Variants in HAAO observed in about 807,000 individuals in gnomAD.
HAAO encodes the protein 3-hydroxyanthranilate 3,4-dioxygenase, also known as 3-hydroxyanthranilate oxygenase.
HAAO carries 49 observed loss-of-function variants against 46.2 expected under a neutral mutation model. That is an observed-to-expected ratio of 1.06 (90% CI 0.84 to 1.34). The LOEUF (loss-of-function observed/expected upper bound fraction) is 1.34. Among genes scored for constraint, HAAO ranks in the 40% most tolerant of loss-of-function variants. The pLI is 0.00. For missense variants in HAAO, 408 were observed against 364.5 expected, an observed-to-expected ratio of 1.12 and a Z score of -0.97; for synonymous variants, 157 against 145.2, an observed-to-expected ratio of 1.08 and a Z score of -0.58.
intron 6 of HAAO, 118 bp from the exon 7 acceptor site, chr2:42,769,976 C>T: frequency 2.4e-6 from 3 of 1,236,294 alleles, no homozygotes; most frequent in Non-Finnish European, 3.4e-6. Context: ...GTATCCAGCT[C>T]AATGATCAAG....
At chr2:42,776,844 G>C (rs1357628961) in intron 4 of HAAO, among the ~76,000 whole-genome samples, 3 of 148,168 alleles carry the variant, frequency 2.0e-5, no homozygotes, top group Non-Finnish European at 1.5e-5. Flanking sequence ...ATCTTGGCCA[G>C]GTGGCTATTG....
intron 2 of HAAO, among the ~76,000 whole-genome samples, chr2:42,785,808 G>C (rs1672339455): frequency 6.6e-6 from 1 of 152,148 alleles, no homozygotes; most frequent in South Asian, 2.1e-4. Flanking sequence ...GCTGCACTGA[G>C]CTATGATTGC....
In HAAO at chr2:42,767,644, G is replaced by A. The variant is rs202048095; in HGVS notation, c.733C>T (p.Arg245Cys). 7.8e-5 allele frequency: 122 copies of A among 1,568,910 alleles called. No homozygotes were observed. Among genetic ancestry groups the A allele is most frequent in the Admixed American group, 1.9e-4 (10 of 52,724 alleles). The change falls in exon 9 of 10, where the codon CGC becomes TGC. Residue 245 changes from arginine (R) to cysteine (C), a missense_variant. Arg to Cys is a radical substitution (Grantham distance 180). Transcript: ENST00000294973. ...GSSVVTMGGR[R>C]LSLAPDDSLL... ...CTGTCATCAGGGGCCAGGCTCAGGC[G>A]CCGTCCCCCCATTGTCACCACCGAG...
At chr2:42,787,998 C>A (rs1248925718) in intron 2 of HAAO, among the ~76,000 whole-genome samples, 1 of 152,082 alleles carries the variant, frequency 6.6e-6, no homozygotes, top group Non-Finnish European at 1.5e-5. Flanking sequence ...GAAGGGCCAC[C>A]CTGCCCCAAC....
intron 7 of HAAO, among the ~76,000 whole-genome samples, 199 bp from the exon 8 acceptor site, chr2:42,768,127 C>CA (rs1018341992): frequency 1.3e-5 from 2 of 152,230 alleles, no homozygotes; most frequent in African/African-American, 4.8e-5. Context: ...CCCGCCGCTG[C>CA]AACAGGTATT....
chr2:42,773,014 C>T (rs1201609674), intron 4 of HAAO, among the ~76,000 whole-genome samples: 2 of 151,774 alleles, frequency 1.3e-5, no homozygotes, highest in Non-Finnish European at 2.9e-5. Context: ...AGGTTGCTTC[C>T]TCCTTTCAGA....
chr2:42,769,753 C>T lies in HAAO; in HGVS notation c.590G>A (p.Gly197Asp). Residue 197 changes from glycine to aspartate, a missense_variant, in exon 7 of 10, where the codon GGC (glycine) becomes GAC (aspartate). Coordinates refer to ENST00000294973, the MANE Select transcript of HAAO (RefSeq NM_012205.3). ...GTCCCCAAACAGGCTGAGTGGTGTG[C>T]CTGCCTGCAGCTCCCTGTGGTGGCT... ...LDSHHRELQAGTPLSLFGDTY... is the reference protein window; with the variant it reads ...LDSHHRELQADTPLSLFGDTY... 1.2e-6 allele frequency: 2 copies of T among 1,613,794 alleles called. No homozygotes were observed. Among genetic ancestry groups the T allele is most frequent in the Non-Finnish European group, 8.5e-7 (1 of 1,179,868 alleles).
At chr2:42,784,388 A>T (rs1387066123) in intron 2 of HAAO, among the ~76,000 whole-genome samples, 1 of 151,782 alleles carries the variant, frequency 6.6e-6, no homozygotes, top group African/African-American at 2.4e-5. Context: ...CCAAGGCCGT[A>T]TGTGGCTCTG....
chr2:42,777,694 T>G (rs567895350), intron 4 of HAAO, among the ~76,000 whole-genome samples: 1 of 152,314 alleles, frequency 6.6e-6, no homozygotes, highest in Non-Finnish European at 1.5e-5. Flanking sequence ...TGCAATAGGA[T>G]AAATACTTGT....
chr2:42,788,072 T>G (rs914673426), intron 2 of HAAO, among the ~76,000 whole-genome samples: 4 of 152,082 alleles, frequency 2.6e-5, no homozygotes, highest in African/African-American at 9.7e-5. Context: ...TCCTCCTCCC[T>G]CAGCCCCTCG....
chr2:42,788,229 C>G (rs911897878), intron 2 of HAAO, among the ~76,000 whole-genome samples: 2 of 152,230 alleles, frequency 1.3e-5, no homozygotes, highest in African/African-American at 4.8e-5. Context: ...CTTCACATGG[C>G]CAGCCCCTAT....
chr2:42,784,429 G>A (rs1672241770), intron 2 of HAAO, among the ~76,000 whole-genome samples: 1 of 151,342 alleles, frequency 6.6e-6, no homozygotes, highest in African/African-American at 2.4e-5. Flanking sequence ...ACCTTGGCAA[G>A]GGGTGGGGCT....
rs375486335 is a variant in HAAO at position 42,767,588 on chromosome 2, T to C, written c.782+7A>G. 2 of 1,578,442 alleles carry C rather than the reference T, an allele frequency of 1.3e-6. No homozygotes were observed. The highest frequency in any genetic ancestry group is 1.7e-4 in the Middle Eastern group (1 of 6,022). ...GATCCCAGGGAAAGCCCTCCCTGCG[T>C]ACTCACGAGGTCCCAGCTAGCACCA... On this transcript the variant is annotated splice_region_variant and intron_variant, in intron 9 of 9. Coordinates refer to ENST00000294973, the MANE Select transcript of HAAO (RefSeq NM_012205.3).
chr2:42,771,000 C>G (rs746742091), intron 4 of HAAO, among the ~76,000 whole-genome samples: 5 of 152,190 alleles, frequency 3.3e-5, no homozygotes, highest in Non-Finnish European at 7.3e-5. Context: ...AAAGAGGAAG[C>G]TGAGGCTGAG....
At chr2:42,768,795 C>T (rs894625468) in intron 7 of HAAO, among the ~76,000 whole-genome samples, 17 of 152,198 alleles carry the variant, frequency 1.1e-4, no homozygotes, top group African/African-American at 4.1e-4. Flanking sequence ...GTCCTCCCAC[C>T]TTGCCTAGCC....
rs546393451 is a variant in HAAO, at chr2:42,788,328, G to GTGGAGGCGTCACTGCCTGACCACCAGCT, written c.159+173_159+200dup. ...GGCTCCCCCAGCAGAGGTGCTAGCT[G>GTGGAGGCGTCACTGCCTGACCACCAGCT]TGGAGGCGTCACTGCCTGACCACCA... On this transcript the variant is annotated intron_variant, in intron 2 of 9. Coordinates refer to ENST00000294973, the MANE Select transcript of HAAO (RefSeq NM_012205.3). Among the ~76,000 whole-genome samples the GTGGAGGCGTCACTGCCTGACCACCAGCT allele has an allele frequency of 2.3e-3, 345 of 152,334 alleles. 1 individual carries two copies. The highest frequency in any genetic ancestry group is 7.6e-3 in the African/African-American group (316 of 41,564).
At chr2:42,767,966 GC>G in intron 7 of HAAO, 38 bp from the exon 8 acceptor site, 1 of 1,572,574 alleles carries the variant, frequency 6.4e-7, no homozygotes, top group Non-Finnish European at 8.7e-7. Flanking sequence ...GGTGCTTCTT[GC>G]CCCACATGGG....
intron 2 of HAAO, among the ~76,000 whole-genome samples, chr2:42,786,974 A>C (rs1443944610): frequency 2.0e-5 from 3 of 152,122 alleles, no homozygotes; most frequent in Non-Finnish European, 4.4e-5. Context: ...GAGGATAGGC[A>C]GGGACAGAGA....
chr2:42,790,566 T>C (rs1310491434), intron 1 of HAAO, among the ~76,000 whole-genome samples: 1 of 149,982 alleles, frequency 6.7e-6, no homozygotes, highest in East Asian at 2.0e-4. Flanking sequence ...AGAGTCTTGC[T>C]TGCCACCCAG....
Sources: allele counts gnomAD v4.1 joint callset (sites outside exome capture counted in the v4.1 genomes callset), GRCh38; gene constraint gnomAD v4.1.1; transcripts MANE v1.5; gene names NCBI Gene and HGNC (gene_info 2026-07-23, HGNC 2026-07-21).